KHDRBS3: variants seen among roughly 807,000 people sequenced by gnomAD.
KHDRBS3 encodes KH domain-containing, RNA-binding, signal transduction-associated protein 3.
A neutral mutation model predicts 45.6 loss-of-function variants in KHDRBS3; 23 were observed. The observed-to-expected ratio is 0.50, with a 90% CI of 0.36 to 0.72. The LOEUF is 0.72. Ranked by LOEUF, KHDRBS3 falls within the 30% of genes least tolerant of loss-of-function variation. The pLI, the probability that KHDRBS3 is intolerant of heterozygous loss-of-function variation, is 0.00. For missense variants in KHDRBS3, 352 were observed against 424.8 expected, an observed-to-expected ratio of 0.83 and a Z score of 1.51; for synonymous variants, 162 against 156.5, an observed-to-expected ratio of 1.04 and a Z score of -0.26.
At chr8:135,490,670 A>T (rs1823102791) in intron 1 of KHDRBS3, among the ~76,000 whole-genome samples, 1 of 152,214 alleles carries the variant, frequency 6.6e-6, no homozygotes, top group Non-Finnish European at 1.5e-5. Flanking sequence ...TGTTTTAACC[A>T]AAGTTGTGTT....
intron 7 of KHDRBS3, among the ~76,000 whole-genome samples, chr8:135,607,489 A>C (rs1425934777): frequency 1.3e-5 from 2 of 152,170 alleles, no homozygotes; most frequent in African/African-American, 4.8e-5. Flanking sequence ...TCAAACTCCT[A>C]CCTGTGAATA....
chr8:135,633,247 G>A (rs1267282026), intron 7 of KHDRBS3, among the ~76,000 whole-genome samples: 1 of 152,150 alleles, frequency 6.6e-6, no homozygotes, highest in Non-Finnish European at 1.5e-5. Context: ...TTGATTTTGT[G>A]CATGGCCACT....
intron 5 of KHDRBS3, among the ~76,000 whole-genome samples, chr8:135,570,002 A>G (rs967192439): frequency 2.0e-5 from 3 of 152,224 alleles, no homozygotes; most frequent in Non-Finnish European, 4.4e-5. Flanking sequence ...ATTTTTGTCT[A>G]TAATCTTTAA....
intron 5 of KHDRBS3, among the ~76,000 whole-genome samples, chr8:135,580,357 A>T (rs1215768007): frequency 6.6e-6 from 1 of 152,214 alleles, no homozygotes; most frequent in Non-Finnish European, 1.5e-5. Flanking sequence ...GACAAAATTC[A>T]TTGAAACCAT....
chr8:135,637,760 C>T lies in KHDRBS3; in HGVS notation c.891-7299C>T, dbSNP rs141729031. On this transcript the variant is annotated intron_variant, in intron 7 of 8. Transcript: ENST00000355849. ...TGCTAGATGTCAGCACTGTCCAGAA[C>T]AAATATGAATGAGGTGTCATTCCTG... Among the ~76,000 whole-genome samples, 76 of 152,272 alleles carry T rather than the reference C, an allele frequency of 5.0e-4. No individual in the cohort carries two copies. In the East Asian group the frequency reaches 0.014, roughly 27 times the overall value.
At chr8:135,471,958 T>A (rs1181541320) in intron 1 of KHDRBS3, among the ~76,000 whole-genome samples, 1 of 152,212 alleles carries the variant, frequency 6.6e-6, no homozygotes, top group African/African-American at 2.4e-5. Context: ...ACTCATTACC[T>A]TTGATTCCTT....
At chr8:135,510,635 G>A (rs957586323) in intron 1 of KHDRBS3, among the ~76,000 whole-genome samples, 5 of 152,244 alleles carry the variant, frequency 3.3e-5, no homozygotes, top group Admixed American at 6.5e-5. Context: ...GGGTTTCACC[G>A]TGTTGGCCAA....
chr8:135,521,221 C>CT lies in KHDRBS3; in HGVS notation c.89-11dup. On this transcript the variant is annotated splice_polypyrimidine_tract_variant and intron_variant, in intron 1 of 8. Coordinates refer to ENST00000355849, the MANE Select transcript of KHDRBS3 (RefSeq NM_006558.3). ...TCTGAGTCATACACTTCATGGTTAT[C>CT]TTTTTGCCTCCACAGAAATAGAAAA... 6.6e-7 allele frequency: 1 copy of CT among 1,503,864 alleles called. No homozygotes were observed. The highest frequency in any genetic ancestry group is 9.3e-7 in the Non-Finnish European group (1 of 1,079,830). 93.2% of individuals were successfully genotyped at this position (1,503,864 alleles called of 1,614,324 possible).
chr8:135,607,468 T>C (rs1431513083), intron 7 of KHDRBS3, among the ~76,000 whole-genome samples: 1 of 152,222 alleles, frequency 6.6e-6, no homozygotes, highest in Non-Finnish European at 1.5e-5. Context: ...CTCTCCTGTT[T>C]TCTATCAACT....
intron 1 of KHDRBS3, among the ~76,000 whole-genome samples, chr8:135,518,049 T>C (rs542113165): frequency 2.0e-5 from 3 of 152,310 alleles, no homozygotes; most frequent in African/African-American, 7.2e-5. Context: ...TATGATTTTC[T>C]TACGACAAAA....
At chr8:135,586,211 A>G (rs989322660) in intron 6 of KHDRBS3, among the ~76,000 whole-genome samples, 3 of 152,196 alleles carry the variant, frequency 2.0e-5, no homozygotes, top group African/African-American at 7.2e-5. Flanking sequence ...ATTTAAGGTC[A>G]GGGAAGTTAA....
intron 7 of KHDRBS3, among the ~76,000 whole-genome samples, chr8:135,620,758 C>T (rs1830104710): frequency 6.6e-6 from 1 of 152,170 alleles, no homozygotes; most frequent in South Asian, 2.1e-4. Flanking sequence ...CGGTGATTCT[C>T]CTCACCTCAC....
chr8:135,570,632 G>A (rs138679589), intron 5 of KHDRBS3, among the ~76,000 whole-genome samples: 1,536 of 152,082 alleles, frequency 0.01, 25 homozygotes, highest in African/African-American at 0.033. Context: ...TTTCTCTACC[G>A]GGTTTACCTG....
chr8:135,646,625 C>T (rs1250002282), intron 8 of KHDRBS3, among the ~76,000 whole-genome samples: 1 of 152,026 alleles, frequency 6.6e-6, no homozygotes, highest in Non-Finnish European at 1.5e-5. Context: ...GATCCTTTTC[C>T]CATTCTCTTT....
At chr8:135,549,606 CTTA>C (rs1169065945) in intron 4 of KHDRBS3, 3 of 152,154 alleles carry the variant, frequency 2.0e-5, no homozygotes, top group African/African-American at 7.2e-5. Context: ...GATAAAAGGA[CTTA>C]TTATGTCATT....
intron 1 of KHDRBS3, among the ~76,000 whole-genome samples, chr8:135,488,406 G>A (rs1450065619): frequency 6.6e-6 from 1 of 152,132 alleles, no homozygotes; most frequent in African/African-American, 2.4e-5. Flanking sequence ...TAAAATAACT[G>A]TCTTATTGTG....
At chr8:135,517,030 G>A (rs1824646011) in intron 1 of KHDRBS3, among the ~76,000 whole-genome samples, 1 of 152,064 alleles carries the variant, frequency 6.6e-6, no homozygotes, top group Non-Finnish European at 1.5e-5. Context: ...AGGAAAAGAG[G>A]CCATTGCTTA....
intron 8 of KHDRBS3, 86 bp downstream of exon 8, chr8:135,645,203 G>A: frequency 7.3e-7 from 1 of 1,363,358 alleles, no homozygotes. Flanking sequence ...AGAGAATAAG[G>A]ACATTTGGAC....
intron 2 of KHDRBS3, among the ~76,000 whole-genome samples, chr8:135,526,115 A>G (rs1825170478): frequency 2.0e-5 from 3 of 152,150 alleles, no homozygotes; most frequent in African/African-American, 4.8e-5. Context: ...TAGCCTAGGT[A>G]TACAGTAGGA....
Sources: gnomAD v4.1 joint callset for allele counts (sites outside exome capture counted in the v4.1 genomes callset) on GRCh38, gnomAD v4.1.1 for gene constraint, MANE v1.5 for transcripts, NCBI Gene and HGNC (gene_info 2026-07-23, HGNC 2026-07-21) for gene names.